OR51B5: variants seen among roughly 807,000 people sequenced by gnomAD.
OR51B5 encodes the protein olfactory receptor 51B5.
For synonymous variants in OR51B5, 186 were observed against 144.8 expected (o/e 1.28, Z -2.04); for missense variants, 456 against 374.6 (o/e 1.22, Z -1.79).
intron 1 of OR51B5, among the ~76,000 whole-genome samples, chr11:5,479,099 G>C (rs1207808528): frequency 6.6e-6 from 1 of 150,420 alleles, no homozygotes; most frequent in African/African-American, 2.4e-5. Flanking sequence ...AAATGTTAAG[G>C]GCAGCCAGAG....
chr11:5,377,565 T>C (rs976514354), intron 1 of OR51B5, among the ~76,000 whole-genome samples: 1 of 152,046 alleles, frequency 6.6e-6, no homozygotes, highest in African/African-American at 2.4e-5. Context: ...GAAAACCCCC[T>C]TGTCTCAGCC....
intron 1 of OR51B5, among the ~76,000 whole-genome samples, chr11:5,368,752 A>T (rs540850045): frequency 6.6e-6 from 1 of 152,334 alleles, no homozygotes; most frequent in African/African-American, 2.4e-5. Flanking sequence ...TTATGCTTTA[A>T]AACTGAAGGA....
intron 1 of OR51B5, among the ~76,000 whole-genome samples, chr11:5,363,809 T>C (rs1317604340): frequency 6.6e-6 from 1 of 152,184 alleles, no homozygotes; most frequent in Non-Finnish European, 1.5e-5. Flanking sequence ...ACATCCAGAC[T>C]ATATTTAGTG....
At chr11:5,434,884 C>G (rs1384271825) in intron 1 of OR51B5, among the ~76,000 whole-genome samples, 1 of 152,160 alleles carries the variant, frequency 6.6e-6, no homozygotes, top group Non-Finnish European at 1.5e-5. Flanking sequence ...TAAAGGCCAG[C>G]AGCCAACCTT....
intron 1 of OR51B5, among the ~76,000 whole-genome samples, chr11:5,419,513 T>C (rs139068308): frequency 2.6e-5 from 4 of 152,300 alleles, no homozygotes; most frequent in African/African-American, 7.2e-5. Context: ...CTAAACAATA[T>C]AGAATATCAA....
chr11:5,485,723 A>G (rs942373225), intron 1 of OR51B5, among the ~76,000 whole-genome samples: 5 of 152,084 alleles, frequency 3.3e-5, no homozygotes. Flanking sequence ...CTTCCTTCTG[A>G]GATCTGCATG....
intron 1 of OR51B5, chr11:5,489,362 T>C: frequency 6.2e-7 from 1 of 1,613,974 alleles, no homozygotes; most frequent in Non-Finnish European, 8.5e-7. Context: ...CTCATTGCCA[T>C]TTCCTATGGC....
chr11:5,437,296 C>G (rs1053517632), intron 1 of OR51B5, among the ~76,000 whole-genome samples: 6 of 152,234 alleles, frequency 3.9e-5, no homozygotes, highest in African/African-American at 1.4e-4. Flanking sequence ...GCTTAAAACT[C>G]AGATCTCAGG....
At chr11:5,343,511 C>A in exon 1 of OR51B5, 1 of 1,012,850 alleles carries the variant, frequency 9.9e-7, no homozygotes, top group Non-Finnish European at 1.5e-6. Context: ...ATGGGAGCTG[C>A]CGCTGGACGA....
At chr11:5,348,738 C>T (rs2133684425) in intron 1 of OR51B5, among the ~76,000 whole-genome samples, 1 of 152,264 alleles carries the variant, frequency 6.6e-6, no homozygotes, top group East Asian at 1.9e-4. Context: ...GGTGGGTCTG[C>T]CTCTCCCAGT....
At chr11:5,354,199 T>G (rs111619048) in intron 1 of OR51B5, among the ~76,000 whole-genome samples, 4 of 152,322 alleles carry the variant, frequency 2.6e-5, no homozygotes, top group African/African-American at 9.6e-5. Flanking sequence ...TTCCAAGATA[T>G]GGGCAATGTA....
chr11:5,391,566 G>C (rs576135737), intron 1 of OR51B5: 1 of 152,206 alleles, frequency 6.6e-6, no homozygotes, highest in Non-Finnish European at 1.5e-5. Flanking sequence ...GAGGGATCCA[G>C]AGCTAACAGA....
At chr11:5,403,049 T>C (rs764602377) in intron 1 of OR51B5, 17 of 471,532 alleles carry the variant, frequency 3.6e-5, no homozygotes, top group Non-Finnish European at 1.3e-5. Flanking sequence ...GGAGCTATTA[T>C]CGTACTGAAA....
intron 1 of OR51B5, chr11:5,351,627 T>G (rs751932461): frequency 3.7e-6 from 6 of 1,614,034 alleles, no homozygotes; most frequent in Non-Finnish European, 5.1e-6. Flanking sequence ...TTCTTGGCAA[T>G]GGCACTCTTC....
chr11:5,501,157 C>T (rs1846286952), intron 1 of OR51B5, among the ~76,000 whole-genome samples: 1 of 147,752 alleles, frequency 6.8e-6, no homozygotes, highest in African/African-American at 2.4e-5. Flanking sequence ...GGCACCAGGA[C>T]TTAACCTGCA....
At chr11:5,389,583 A>C (rs1197049886) in intron 1 of OR51B5, 1 of 1,613,884 alleles carries the variant, frequency 6.2e-7, no homozygotes, top group South Asian at 1.1e-5. Context: ...ATCATTATTA[A>C]GACCAACCCT....
downstream of OR51B5, among the ~76,000 whole-genome samples, chr11:5,341,641 C>A (rs559606000): frequency 5.9e-5 from 9 of 152,244 alleles, no homozygotes; most frequent in South Asian, 1.2e-3. Context: ...GGGAAATTTA[C>A]ACTTATTACA....
chr11:5,366,991 T>G (rs745379227), intron 1 of OR51B5, among the ~76,000 whole-genome samples: 1 of 152,080 alleles, frequency 6.6e-6, no homozygotes, highest in Non-Finnish European at 1.5e-5. Context: ...CTCCCAAAGT[T>G]TGAAAATGCT....
chr11:5,359,616 C>T (rs1246797819), intron 1 of OR51B5, among the ~76,000 whole-genome samples: 3 of 147,818 alleles, frequency 2.0e-5, no homozygotes, highest in Non-Finnish European at 3.0e-5. Flanking sequence ...CTACCAATGA[C>T]TTTCTTCACA....
Sources: gnomAD v4.1 joint callset for allele counts (sites outside exome capture counted in the v4.1 genomes callset) on GRCh38, gnomAD v4.1.1 for gene constraint, MANE v1.5 for transcripts, NCBI Gene and HGNC (gene_info 2026-07-23, HGNC 2026-07-21) for gene names.